Variants in CTNNBL1 observed in about 807,000 individuals in gnomAD.
CTNNBL1 encodes beta-catenin-like protein 1.
In CTNNBL1, 31 loss-of-function variants were observed where a neutral mutation model predicts 72.7. The observed-to-expected ratio is 0.43, with a 90% CI of 0.32 to 0.58. The LOEUF (loss-of-function observed/expected upper bound fraction) is 0.58, where lower values mean the gene tolerates loss of function less well. Among genes scored for constraint, CTNNBL1 ranks in the 20% least tolerant of loss-of-function variants. CTNNBL1 has a pLI of 0.08. For synonymous variants in CTNNBL1, 240 were observed against 267.3 expected, an observed-to-expected ratio of 0.90 and a Z score of 1.00; for missense variants, 534 against 725.1, an observed-to-expected ratio of 0.74 and a Z score of 3.03.
chr20:37,856,738 C>A (rs1386237293), intron 13 of CTNNBL1, among the ~76,000 whole-genome samples: 1 of 152,134 alleles, frequency 6.6e-6, no homozygotes, highest in African/African-American at 2.4e-5. Context: ...TCACCCAACC[C>A]CAATCAGCAC....
At chr20:37,725,511 G>A (rs1413755059) in intron 1 of CTNNBL1, among the ~76,000 whole-genome samples, 9 of 137,780 alleles carry the variant, frequency 6.5e-5, no homozygotes, top group African/African-American at 2.5e-4. Flanking sequence ...AGTCAAGATG[G>A]TCTCGAACTC....
At chr20:37,730,774 C>T (rs2073121764) in intron 1 of CTNNBL1, among the ~76,000 whole-genome samples, 1 of 152,148 alleles carries the variant, frequency 6.6e-6, no homozygotes, top group Admixed American at 6.5e-5. Context: ...CCCAGAAGTT[C>T]AGGTCCAGCC....
At position 37,810,916 on chromosome 20, in the gene CTNNBL1, T is replaced by C. The variant is rs144442018; in HGVS notation, c.1213+7868T>C. On this transcript the variant is annotated intron_variant, in intron 11 of 15. Transcript: ENST00000361383. ...TTTGAGCCTGTAATTTCTTCTGTTG[T>C]AAAATTGAGATACTCTTAGAATCTA... is the stretch of plus-strand genomic sequence containing the variant. 2.8e-3 allele frequency among the ~76,000 whole-genome samples: 432 copies of C among 152,288 alleles called. 3 individuals are homozygous for C. Among genetic ancestry groups the C allele is most frequent in the African/African-American group, 9.3e-3 (385 of 41,560 alleles).
intron 15 of CTNNBL1, among the ~76,000 whole-genome samples, chr20:37,869,979 C>A (rs2072568711): frequency 6.6e-6 from 1 of 150,812 alleles, no homozygotes; most frequent in Non-Finnish European, 1.5e-5. Context: ...CGCAGGAAGT[C>A]CAGAGTCACC....
At chr20:37,837,408 T>C (rs1412676911) in intron 11 of CTNNBL1, among the ~76,000 whole-genome samples, 1 of 152,160 alleles carries the variant, frequency 6.6e-6, no homozygotes, top group Non-Finnish European at 1.5e-5. Flanking sequence ...GAGCCTGGGG[T>C]CTTGAGAAGG....
At chr20:37,725,342 G>A (rs556597954) in intron 1 of CTNNBL1, among the ~76,000 whole-genome samples, 2 of 151,626 alleles carry the variant, frequency 1.3e-5, no homozygotes, top group South Asian at 4.2e-4. Flanking sequence ...GTTTTCCCAG[G>A]CAGGAGTGCA....
chr20:37,762,448 T>A (rs1268429747), intron 5 of CTNNBL1, among the ~76,000 whole-genome samples: 1 of 152,170 alleles, frequency 6.6e-6, no homozygotes, highest in Non-Finnish European at 1.5e-5. Flanking sequence ...GAAGATGATG[T>A]GTGATCATGC....
At chr20:37,785,861 G>A (rs1320889834) in intron 10 of CTNNBL1, among the ~76,000 whole-genome samples, 1 of 152,096 alleles carries the variant, frequency 6.6e-6, no homozygotes, top group Non-Finnish European at 1.5e-5. Context: ...TGCAGTCTGG[G>A]CTTGTTTGTA....
intron 1 of CTNNBL1, among the ~76,000 whole-genome samples, chr20:37,718,062 C>T (rs1335695722): frequency 6.6e-6 from 1 of 152,232 alleles, no homozygotes; most frequent in African/African-American, 2.4e-5. Context: ...CCACCTTTCC[C>T]CCCTTTCTAT....
chr20:37,724,430 A>G (rs556015064), intron 1 of CTNNBL1, among the ~76,000 whole-genome samples: 90 of 152,288 alleles, frequency 5.9e-4, no homozygotes, highest in Admixed American at 4.6e-4. Context: ...GGGAAGTATT[A>G]GAAGTATTAG....
At chr20:37,851,579 T>C in intron 13 of CTNNBL1, among the ~76,000 whole-genome samples, 1 of 152,252 alleles carries the variant, frequency 6.6e-6, no homozygotes. Flanking sequence ...ACTATGAAAG[T>C]GAACACAGCC....
chr20:37,755,011 T>C (rs2073351620), intron 4 of CTNNBL1, among the ~76,000 whole-genome samples: 1 of 152,152 alleles, frequency 6.6e-6, no homozygotes, highest in Admixed American at 6.5e-5. Flanking sequence ...TTCACCATAT[T>C]GGCCAGGCTG....
intron 12 of CTNNBL1, 110 bp from the exon 13 acceptor site, chr20:37,842,229 G>A: frequency 1.3e-6 from 1 of 749,512 alleles, no homozygotes; most frequent in Non-Finnish European, 2.4e-6. Flanking sequence ...GAGTGCCAGA[G>A]CGGGTCTCCC....
At chr20:37,726,804 GAC>G (rs1354991390) in intron 1 of CTNNBL1, among the ~76,000 whole-genome samples, 1 of 152,068 alleles carries the variant, frequency 6.6e-6, no homozygotes, top group East Asian at 1.9e-4. Flanking sequence ...GCTATATTTA[GAC>G]ACACACACAT....
At chr20:37,716,776 T>G (rs2072990120) in intron 1 of CTNNBL1, among the ~76,000 whole-genome samples, 1 of 152,220 alleles carries the variant, frequency 6.6e-6, no homozygotes, top group South Asian at 2.1e-4. Context: ...TTTCAGACTC[T>G]AAAGTATTGC....
intron 11 of CTNNBL1, among the ~76,000 whole-genome samples, chr20:37,835,519 A>C (rs2072246218): frequency 6.6e-6 from 1 of 152,220 alleles, no homozygotes; most frequent in Non-Finnish European, 1.5e-5. Flanking sequence ...GAGAAGACAG[A>C]TGCTCATATA....
At chr20:37,786,145 T>G (rs1361371998) in intron 10 of CTNNBL1, among the ~76,000 whole-genome samples, 1 of 152,146 alleles carries the variant, frequency 6.6e-6, no homozygotes, top group Non-Finnish European at 1.5e-5. Context: ...TGCCTGGTGC[T>G]GGGGGAGGGG....
At chr20:37,707,227 G>A (rs2072893128) in intron 1 of CTNNBL1, among the ~76,000 whole-genome samples, 1 of 152,188 alleles carries the variant, frequency 6.6e-6, no homozygotes. Flanking sequence ...GCATCAGCCT[G>A]TCCTTTGAAG....
intron 13 of CTNNBL1, among the ~76,000 whole-genome samples, chr20:37,845,352 TTAGCACTGACGGAGA>T (rs2072338425): frequency 6.6e-6 from 1 of 152,204 alleles, no homozygotes; most frequent in African/African-American, 2.4e-5. Context: ...GTGAAATTGA[TTAGCACTGACGGAGA>T]GTAATCGCTG....
Sources: gnomAD v4.1 joint callset for allele counts (sites outside exome capture counted in the v4.1 genomes callset) on GRCh38, gnomAD v4.1.1 for gene constraint, MANE v1.5 for transcripts, NCBI Gene and HGNC (gene_info 2026-07-23, HGNC 2026-07-21) for gene names.